The following PCDH15 variants were observed in gnomAD, a reference collection of about 807,000 sequenced individuals.
The protein encoded by PCDH15 is protocadherin related 15, also known as protocadherin-15.
PCDH15 carries 129 observed loss-of-function variants against 178.5 expected under a neutral mutation model. That is an observed-to-expected ratio of 0.72 (90% confidence interval 0.63 to 0.84). The LOEUF is 0.84. Among genes scored for constraint, PCDH15 ranks in the 40% least tolerant of loss-of-function variants. PCDH15 has a pLI of 0.00. For missense variants in PCDH15, 2,230 were observed against 2,099.9 expected (o/e 1.06, Z -1.21); for synonymous variants, 800 against 732.0 (o/e 1.09, Z -1.50).
At chr10:54,128,833 A>G (rs1350420131) in intron 15 of PCDH15, among the ~76,000 whole-genome samples, 1 of 152,174 alleles carries the variant, frequency 6.6e-6, no homozygotes, top group African/African-American at 2.4e-5. Context: ...GTGTTTCTTC[A>G]TAAGAGCCTT....
intron 2 of PCDH15, among the ~76,000 whole-genome samples, chr10:55,067,808 T>C (rs1019285231): frequency 2.0e-5 from 3 of 152,010 alleles, no homozygotes; most frequent in African/African-American, 7.2e-5. Context: ...TTATATTTTA[T>C]TGTGGTTTTC....
At chr10:55,269,560 A>G (rs777269790) in intron 1 of PCDH15, among the ~76,000 whole-genome samples, 7 of 152,140 alleles carry the variant, frequency 4.6e-5, no homozygotes, top group Non-Finnish European at 1.0e-4. Flanking sequence ...AACATCTAGA[A>G]ATACAGCTAA....
At chr10:54,640,916 T>C (rs1414351133) in intron 2 of PCDH15, among the ~76,000 whole-genome samples, 1 of 151,924 alleles carries the variant, frequency 6.6e-6, no homozygotes, top group African/African-American at 2.4e-5. Flanking sequence ...CCAGCCTGGC[T>C]GACATGGTGA....
In PCDH15 at chr10:53,806,420, A is replaced by T; in HGVS notation, c.*159T>A. 1 of 618,704 alleles carries T rather than the reference A, an allele frequency of 1.6e-6. No individual in the cohort carries two copies. Among genetic ancestry groups the T allele is most frequent in the Non-Finnish European group, 2.7e-6 (1 of 368,802 alleles). 38.3% of individuals were successfully genotyped at this position (618,704 alleles called of 1,614,324 possible). A position where few individuals can be genotyped will look rare whatever the true frequency, so the allele number is the denominator to read the frequency against. The stretch of plus-strand genomic sequence containing the variant: ...AAAACGATTAATTGATAACAATGTG[A>T]GTGCAAATCTGTCTCTTAAAATTTT... On this transcript the variant is annotated 3_prime_UTR_variant, in exon 38 of 38. Coordinates refer to ENST00000644397, the MANE Select transcript of PCDH15 (RefSeq NM_001384140.1).
chr10:55,222,730 C>CACACACACACACACACACACACACAT, intron 1 of PCDH15, among the ~76,000 whole-genome samples: 3 of 121,276 alleles, frequency 2.5e-5, no homozygotes, highest in Admixed American at 8.1e-5. Flanking sequence ...CACACACACA[C>CACACACACACACACACACACACACAT]ATATATATAT....
At chr10:54,777,215 G>T (rs1038207072) in intron 1 of PCDH15, among the ~76,000 whole-genome samples, 1 of 152,068 alleles carries the variant, frequency 6.6e-6, no homozygotes, top group Non-Finnish European at 1.5e-5. Context: ...CAATCGTTGC[G>T]CACATCTATA....
At chr10:53,919,487 G>A (rs1292496159) in intron 25 of PCDH15, among the ~76,000 whole-genome samples, 1 of 152,160 alleles carries the variant, frequency 6.6e-6, no homozygotes, top group African/African-American at 2.4e-5. Context: ...AGTGTTTTCT[G>A]TGCATTATTT....
intron 21 of PCDH15, among the ~76,000 whole-genome samples, chr10:53,975,420 T>G (rs573791751): frequency 6.6e-6 from 1 of 152,302 alleles, no homozygotes; most frequent in African/African-American, 2.4e-5. Flanking sequence ...AGTGTTTTTT[T>G]TCCCCCCATA....
chr10:53,821,884 ATTGT>A lies in PCDH15; in HGVS notation c.4368-1658_4368-1655del, dbSNP rs1368908688. ...TACAGTGAAGTAGATTGACTGTGAG[ATTGT>A]TTTTCAGTTCCCTCGACAATATTGT... On this transcript the variant is annotated intron_variant, in intron 32 of 37. Coordinates refer to ENST00000644397, the MANE Select transcript of PCDH15 (RefSeq NM_001384140.1). 4.3e-6 allele frequency: 7 copies of A among 1,613,466 alleles called. No individual in the cohort carries two copies. Among genetic ancestry groups the A allele is most frequent in the African/African-American group, 1.3e-5 (1 of 75,018 alleles).
chr10:53,822,403 A>G lies in PCDH15; in HGVS notation c.4368-2173T>C, dbSNP rs748654513. On this transcript the variant is annotated intron_variant, in intron 32 of 37. Transcript: ENST00000644397. ...GGAGAGGGAGGAGGACAAAAAAGAG[A>G]AAAAGGAGAAATGTCAGGAGGAGGA... The G allele has an allele frequency of 4.4e-6, 7 of 1,574,900 alleles. No individual in the cohort carries two copies. The highest frequency in any genetic ancestry group is 1.9e-5 in the Admixed American group (1 of 53,770).
chr10:54,148,456 G>T (rs1253753820), intron 14 of PCDH15, among the ~76,000 whole-genome samples: 1 of 152,012 alleles, frequency 6.6e-6, no homozygotes, highest in East Asian at 1.9e-4. Context: ...GCTAATAGTT[G>T]TTATACTGTA....
At chr10:54,551,154 CAAAAAAA>C (rs57337778) in intron 2 of PCDH15, among the ~76,000 whole-genome samples, 577 of 52,426 alleles carry the variant, frequency 0.011, 4 homozygotes, top group Middle Eastern at 0.045. Flanking sequence ...GACTCTGTCT[CAAAAAAA>C]AAAAAAAAAA....
chr10:54,544,463 TGCTGA>T (rs1033431147), intron 2 of PCDH15, among the ~76,000 whole-genome samples: 2 of 104,148 alleles, frequency 1.9e-5, no homozygotes, highest in Non-Finnish European at 4.2e-5. Flanking sequence ...TTTTATGTCC[TGCTGA>T]GCTTAGTTCT....
intron 1 of PCDH15, among the ~76,000 whole-genome samples, chr10:55,256,167 T>C (rs916205299): frequency 2.0e-5 from 3 of 152,238 alleles, no homozygotes; most frequent in Admixed American, 6.5e-5. Flanking sequence ...TTTCTACATA[T>C]GGCTAACCAG....
At chr10:54,244,424 AC>A (rs1337810407) in intron 8 of PCDH15, among the ~76,000 whole-genome samples, 1 of 152,166 alleles carries the variant, frequency 6.6e-6, no homozygotes, top group African/African-American at 2.4e-5. Flanking sequence ...GCTGGTGGTA[AC>A]CCGGTAATTA....
Position 54,132,777 on chromosome 10 carries a change from G to T in PCDH15, c.1917+98C>A, listed in dbSNP as rs80313657. On this transcript the variant is annotated intron_variant, in intron 15 of 37. Transcript: ENST00000644397. Reference sequence around the variant, plus strand: ...CACTAGAGTGGAGGCAAGCATGTGAGGTTTCTCCCTCCATACACAAATATA... The same window carrying T: ...CACTAGAGTGGAGGCAAGCATGTGATGTTTCTCCCTCCATACACAAATATA... The T allele has an allele frequency of 2.7e-3, 4,171 of 1,526,138 alleles. 97 individuals are homozygous for T. The African/African-American group carries it at 0.048, about 18-fold the overall frequency. The allele number at this position is 1,526,138 out of a possible 1,614,324, so 94.5% of individuals were successfully genotyped here.
chr10:55,612,344 T>A (rs1843384263), intron 2 of PCDH15, among the ~76,000 whole-genome samples: 2 of 152,022 alleles, frequency 1.3e-5, no homozygotes, highest in South Asian at 4.1e-4. Flanking sequence ...GAGCCAAGAA[T>A]CCAAGACTCT....
In PCDH15 at chr10:54,895,612, C is replaced by A. The variant is rs528194339; in HGVS notation, c.-29+1838G>T. On this transcript the variant is annotated intron_variant, in intron 3 of 5. Coordinates refer to the PCDH15 transcript ENST00000458638. ...TAGTAATTTAACTATATGATGCCAACTAATAATACGCCTAAAAGAGGCAAG... is the reference window on the plus strand; with the variant it reads ...TAGTAATTTAACTATATGATGCCAAATAATAATACGCCTAAAAGAGGCAAG... Among the ~76,000 whole-genome samples the A allele has an allele frequency of 6.6e-5, 10 of 152,244 alleles. No homozygotes were observed. In the South Asian group the frequency reaches 2.1e-3, roughly 32 times the overall value.
At chr10:54,216,603 TC>T (rs768070124) in intron 9 of PCDH15, among the ~76,000 whole-genome samples, 51 of 152,180 alleles carry the variant, frequency 3.4e-4, no homozygotes, top group Non-Finnish European at 6.5e-4. Flanking sequence ...CATTAAGATT[TC>T]ATTAGTCACT....
Sources: gnomAD v4.1 joint callset for allele counts (sites outside exome capture counted in the v4.1 genomes callset) on GRCh38, gnomAD v4.1.1 for gene constraint, MANE v1.5 for transcripts, NCBI Gene and HGNC (gene_info 2026-07-23, HGNC 2026-07-21) for gene names.